The following DTNA variants were observed in gnomAD, a reference collection of about 807,000 sequenced individuals.
The protein encoded by DTNA is dystrophin-related protein 3.
A neutral mutation model predicts 100.7 loss-of-function variants in DTNA; 43 were observed. That is an observed-to-expected ratio of 0.43 (90% CI 0.33 to 0.55). The LOEUF (loss-of-function observed/expected upper bound fraction) is 0.55, where lower values mean the gene tolerates loss of function less well. Ranked by LOEUF, DTNA falls within the 20% of genes least tolerant of loss-of-function variation. The pLI is 0.04. For missense variants in DTNA, 798 were observed against 953.9 expected (o/e 0.84, Z 2.15); for synonymous variants, 349 against 347.9 (o/e 1.00, Z -0.04).
intron 7 of DTNA, 180 bp from the exon 8 acceptor site, chr18:34,817,984 A>T: frequency 6.7e-7 from 1 of 1,497,544 alleles, no homozygotes; most frequent in Non-Finnish European, 8.9e-7. Flanking sequence ...CCCCACAGGC[A>T]TGATTGAAAA....
chr18:34,854,085 C>T (rs2096523987), intron 15 of DTNA, among the ~76,000 whole-genome samples: 1 of 152,120 alleles, frequency 6.6e-6, no homozygotes, highest in Admixed American at 6.5e-5. Context: ...GTAAAAGAAC[C>T]ATTGGACTTT....
chr18:34,563,983 A>G (rs911073198), intron 1 of DTNA, among the ~76,000 whole-genome samples: 1 of 150,652 alleles, frequency 6.6e-6, no homozygotes, highest in Non-Finnish European at 1.5e-5. Context: ...GTGTGTGTGT[A>G]GTGAGGATGG....
intron 1 of DTNA, among the ~76,000 whole-genome samples, chr18:34,552,646 C>G (rs911420376): frequency 6.6e-6 from 1 of 150,456 alleles, no homozygotes; most frequent in African/African-American, 2.4e-5. Flanking sequence ...TTTGTTCTTG[C>G]GATAGTTTAC....
intron 1 of DTNA, among the ~76,000 whole-genome samples, chr18:34,667,779 T>A (rs1463387551): frequency 6.6e-6 from 1 of 152,248 alleles, no homozygotes; most frequent in African/African-American, 2.4e-5. Flanking sequence ...GAAGCCAATT[T>A]GATCATGGTG....
intron 17 of DTNA, among the ~76,000 whole-genome samples, chr18:34,873,827 G>T (rs528022691): frequency 4.6e-5 from 7 of 152,322 alleles, no homozygotes; most frequent in African/African-American, 1.4e-4. Flanking sequence ...GCCAGAGTTT[G>T]CTGGGGAAAA....
At chr18:34,766,341 G>A (rs1305943347) in intron 3 of DTNA, among the ~76,000 whole-genome samples, 1 of 152,134 alleles carries the variant, frequency 6.6e-6, no homozygotes, top group Non-Finnish European at 1.5e-5. Context: ...CTGGATGGAT[G>A]TTTTTCTTCT....
At chr18:34,604,834 T>A (rs1452016592) in intron 1 of DTNA, among the ~76,000 whole-genome samples, 5 of 152,176 alleles carry the variant, frequency 3.3e-5, no homozygotes, top group African/African-American at 1.2e-4. Context: ...GTTTCCTATA[T>A]GGTACCCCAG....
intron 1 of DTNA, among the ~76,000 whole-genome samples, chr18:34,616,311 TATG>T (rs1457692855): frequency 6.6e-6 from 1 of 152,190 alleles, no homozygotes; most frequent in Non-Finnish European, 1.5e-5. Context: ...GCAAATATTT[TATG>T]ATGAAATGGA....
intron 1 of DTNA, among the ~76,000 whole-genome samples, chr18:34,629,709 A>G (rs979490590): frequency 6.6e-6 from 1 of 152,156 alleles, no homozygotes; most frequent in Admixed American, 6.5e-5. Context: ...CCTGTGGTCA[A>G]CTACAACCCA....
intron 1 of DTNA, among the ~76,000 whole-genome samples, chr18:34,529,429 A>G (rs2042940129): frequency 1.3e-5 from 2 of 152,230 alleles, no homozygotes; most frequent in Non-Finnish European, 2.9e-5. Context: ...AAGAACACAA[A>G]AATATATCTA....
chr18:34,760,745 G>A lies in DTNA; in HGVS notation c.67+4702G>A, dbSNP rs182718251. Among the ~76,000 whole-genome samples, 421 of 152,268 alleles carry A rather than the reference G, an allele frequency of 2.8e-3. 1 individual carries two copies. The highest frequency in any genetic ancestry group is 4.4e-3 in the South Asian group (21 of 4,818). The stretch of plus-strand genomic sequence containing the variant: ...TGTTCCCAAGTTTGTGCCTCATTTT[G>A]TCGCTAGAAATATAGAATAGCCCTA... On this transcript the variant is annotated intron_variant, in intron 2 of 22. Transcript: ENST00000444659.
chr18:34,558,539 G>C (rs1304838134), intron 1 of DTNA, among the ~76,000 whole-genome samples: 1 of 152,120 alleles, frequency 6.6e-6, no homozygotes. Context: ...CATTCTACTG[G>C]AGGGAAAATA....
chr18:34,648,566 T>C (rs1029878874), intron 1 of DTNA, among the ~76,000 whole-genome samples: 1 of 152,222 alleles, frequency 6.6e-6, no homozygotes, highest in African/African-American at 2.4e-5. Flanking sequence ...CTGGCTCTGT[T>C]TGTCATTATT....
intron 1 of DTNA, among the ~76,000 whole-genome samples, chr18:34,559,326 T>G (rs2046419058): frequency 6.6e-6 from 1 of 152,232 alleles, no homozygotes; most frequent in South Asian, 2.1e-4. Context: ...AGCAACTGAA[T>G]CAAGTTCTGT....
At chr18:34,871,176 T>A (rs940289134) in intron 17 of DTNA, among the ~76,000 whole-genome samples, 5 of 152,198 alleles carry the variant, frequency 3.3e-5, no homozygotes, top group Admixed American at 2.6e-4. Flanking sequence ...CACCAGGGTG[T>A]CCTGATTCAA....
At chr18:34,637,382 A>G (rs565818732) in intron 1 of DTNA, among the ~76,000 whole-genome samples, 1 of 152,306 alleles carries the variant, frequency 6.6e-6, no homozygotes, top group African/African-American at 2.4e-5. Flanking sequence ...CATGCTGCCC[A>G]AATGGGAAAA....
intron 1 of DTNA, among the ~76,000 whole-genome samples, chr18:34,641,613 T>C (rs1254360731): frequency 1.3e-5 from 2 of 152,250 alleles, no homozygotes; most frequent in South Asian, 2.1e-4. Flanking sequence ...GAGATTCTTT[T>C]CTGGAGGAGT....
At chr18:34,700,682 A>C (rs984019284) in intron 1 of DTNA, among the ~76,000 whole-genome samples, 1 of 152,188 alleles carries the variant, frequency 6.6e-6, no homozygotes, top group Non-Finnish European at 1.5e-5. Context: ...CTAGGCTCAT[A>C]ATAAGCACTT....
At chr18:34,698,705 G>C (rs919596984) in intron 1 of DTNA, among the ~76,000 whole-genome samples, 1 of 152,174 alleles carries the variant, frequency 6.6e-6, no homozygotes, top group Non-Finnish European at 1.5e-5. Context: ...CTTGGAGTCC[G>C]ATGTTTGAGG....
Sources: gnomAD v4.1 joint callset for allele counts (sites outside exome capture counted in the v4.1 genomes callset) on GRCh38, gnomAD v4.1.1 for gene constraint, MANE v1.5 for transcripts, NCBI Gene and HGNC (gene_info 2026-07-23, HGNC 2026-07-21) for gene names.